The following AGAP1 variants were observed in gnomAD, a reference collection of about 807,000 sequenced individuals.
AGAP1 encodes the protein arf-GAP with GTPase, ANK repeat and PH domain-containing protein 1.
AGAP1 carries 29 observed loss-of-function variants against 105.3 expected under a neutral mutation model. The observed-to-expected ratio is 0.28, with a 90% CI of 0.21 to 0.38. The LOEUF is 0.38. Ranked by LOEUF, AGAP1 falls within the 10% of genes least tolerant of loss-of-function variation. The pLI, the probability that AGAP1 is intolerant of heterozygous loss-of-function variation, is 1.00. For synonymous variants in AGAP1, 509 were observed against 485.9 expected (o/e 1.05, Z -0.63); for missense variants, 998 against 1,165.1 (o/e 0.86, Z 2.09).
In AGAP1 at chr2:236,080,060, C is replaced by A. The variant is rs529830396; in HGVS notation, c.2114+30779C>A. On this transcript the variant is annotated intron_variant, in intron 16 of 17. Coordinates refer to ENST00000304032, the MANE Select transcript of AGAP1 (RefSeq NM_001037131.3). The surrounding 1 kb of genome is among the most constrained non-coding windows in gnomAD (Gnocchi z 4.2). ...GCCCATAGCTGTGATGTAGTCAGGGCCCCATGGCATCCGCACACATCAAGG... is the reference window on the plus strand; with the variant it reads ...GCCCATAGCTGTGATGTAGTCAGGGACCCATGGCATCCGCACACATCAAGG... 3.3e-5 allele frequency among the ~76,000 whole-genome samples: 5 copies of A among 152,300 alleles called. No individual in the cohort carries two copies. In the East Asian group the frequency reaches 9.6e-4, roughly 29 times the overall value.
At chr2:235,820,559 G>A (rs993965233) in intron 9 of AGAP1, among the ~76,000 whole-genome samples, 8 of 152,110 alleles carry the variant, frequency 5.3e-5, no homozygotes, top group South Asian at 2.1e-4. Context: ...TAGTAACACC[G>A]GACTGTTTTT....
At chr2:236,030,849 G>T (rs143689033) in intron 13 of AGAP1, among the ~76,000 whole-genome samples, 1 of 152,330 alleles carries the variant, frequency 6.6e-6, no homozygotes, top group Non-Finnish European at 1.5e-5. Context: ...TCACAGTCAG[G>T]CAAGGGCTGA....
chr2:235,710,775 T>C (rs569287660), intron 2 of AGAP1, among the ~76,000 whole-genome samples: 2 of 152,320 alleles, frequency 1.3e-5, no homozygotes, highest in East Asian at 1.9e-4. Flanking sequence ...AATCCCGCAG[T>C]TTCCGTTACT....
Position 235,689,339 on chromosome 2 carries a change from A to T in AGAP1, c.164-19840A>T, listed in dbSNP as rs1217446706. Among the ~76,000 whole-genome samples the T allele has an allele frequency of 6.6e-6, 1 of 152,174 alleles. No homozygotes were observed. The highest frequency in any genetic ancestry group is 1.5e-5 in the Non-Finnish European group (1 of 68,040). On this transcript the variant is annotated intron_variant, in intron 1 of 17. Coordinates refer to ENST00000304032, the MANE Select transcript of AGAP1 (RefSeq NM_001037131.3). This position sits in a 1 kb window ranked among gnomAD's most constrained non-coding sequence, Gnocchi z 4.2. ...TGCACAGCTCACCACGCGGGCCTGGAGTGAGCCTGCTGCTGTTCATCGGCC... is the reference window on the plus strand; with the variant it reads ...TGCACAGCTCACCACGCGGGCCTGGTGTGAGCCTGCTGCTGTTCATCGGCC...
chr2:236,072,780 A>G (rs1472814960), intron 16 of AGAP1, among the ~76,000 whole-genome samples: 2 of 151,728 alleles, frequency 1.3e-5, no homozygotes, highest in Non-Finnish European at 2.9e-5. Flanking sequence ...CTTTTCTTAC[A>G]TTTTCCCCTC....
At chr2:235,974,971 C>G (rs574932383) in intron 13 of AGAP1, among the ~76,000 whole-genome samples, 3 of 152,098 alleles carry the variant, frequency 2.0e-5, no homozygotes, top group Admixed American at 2.0e-4. Flanking sequence ...GCAGAATATT[C>G]GAGAAAGGCA....
At chr2:235,543,953 T>C (rs905959561) in intron 1 of AGAP1, among the ~76,000 whole-genome samples, 1 of 152,128 alleles carries the variant, frequency 6.6e-6, no homozygotes, top group African/African-American at 2.4e-5. Flanking sequence ...AAGAGTTCTC[T>C]CTCTGCCGCC....
chr2:236,031,228 G>A (rs1397376270), intron 13 of AGAP1, among the ~76,000 whole-genome samples: 1 of 152,196 alleles, frequency 6.6e-6, no homozygotes, highest in African/African-American at 2.4e-5. Context: ...AAGGAGGGAG[G>A]AGGAAGGAGG....
chr2:236,021,002 C>T (rs1465644727), intron 13 of AGAP1, among the ~76,000 whole-genome samples: 1 of 151,920 alleles, frequency 6.6e-6, no homozygotes, highest in African/African-American at 2.4e-5. Flanking sequence ...CCCATCTCTA[C>T]TAAAAATACA....
intron 16 of AGAP1, among the ~76,000 whole-genome samples, chr2:236,074,068 A>G (rs1269282065): frequency 6.6e-6 from 1 of 152,154 alleles, no homozygotes; most frequent in Non-Finnish European, 1.5e-5. Context: ...GGGGCTGGGG[A>G]GCCCCTGCTA....
intron 13 of AGAP1, among the ~76,000 whole-genome samples, chr2:235,999,766 ATGT>A (rs1389844915): frequency 4.1e-5 from 6 of 147,012 alleles, no homozygotes; most frequent in Non-Finnish European, 5.9e-5. Flanking sequence ...GCTGATTATG[ATGT>A]TGTTGGGAGC....
rs964631381 is a variant in AGAP1, at chr2:235,865,465, A to G, written c.1051-17880A>G. Among the ~76,000 whole-genome samples, 1 of 152,034 alleles carries G rather than the reference A, an allele frequency of 6.6e-6. No individual in the cohort carries two copies. The highest frequency in any genetic ancestry group is 2.4e-5 in the African/African-American group (1 of 41,444). On this transcript the variant is annotated intron_variant, in intron 9 of 17. Coordinates refer to ENST00000304032, the MANE Select transcript of AGAP1 (RefSeq NM_001037131.3). This position sits in a 1 kb window ranked among gnomAD's most constrained non-coding sequence, Gnocchi z 6.2. ...GATTGCTGGAGATGCTGACAGCTCA[A>G]TTAAAGTGTAACCCTTTGTGCCCTG...
chr2:236,098,942 C>G (rs2059265924), intron 16 of AGAP1, among the ~76,000 whole-genome samples: 1 of 151,762 alleles, frequency 6.6e-6, no homozygotes, highest in Admixed American at 6.6e-5. Flanking sequence ...CTAAAGGCCT[C>G]CAAACATCCT....
chr2:235,997,153 A>G (rs1291744008), intron 13 of AGAP1, among the ~76,000 whole-genome samples: 1 of 152,132 alleles, frequency 6.6e-6, no homozygotes, highest in Non-Finnish European at 1.5e-5. Flanking sequence ...GCCACGGCGC[A>G]ATCTCGGCTC....
At chr2:235,774,260 C>T (rs1395407873) in intron 6 of AGAP1, 1 of 429,122 alleles carries the variant, frequency 2.3e-6, no homozygotes, top group East Asian at 7.2e-5. Context: ...GCAGAAATTC[C>T]AGCCTCCCCT....
chr2:235,552,965 G>A lies in AGAP1; in HGVS notation c.163+58116G>A, dbSNP rs1943861268. The stretch of plus-strand genomic sequence containing the variant: ...CATCCACACATGTGCATCTGATTGT[G>A]TGTGTGACACAGTGAAGGGTATGGG... On this transcript the variant is annotated intron_variant, in intron 1 of 17. Transcript: ENST00000304032. This position sits in a 1 kb window ranked among gnomAD's most constrained non-coding sequence, Gnocchi z 5.9. Among the ~76,000 whole-genome samples the A allele has an allele frequency of 1.3e-5, 2 of 152,226 alleles. No homozygotes were observed. Among genetic ancestry groups the A allele is most frequent in the African/African-American group, 4.8e-5 (2 of 41,454 alleles).
At chr2:235,885,677 G>A (rs1291073027) in intron 10 of AGAP1, among the ~76,000 whole-genome samples, 2 of 152,182 alleles carry the variant, frequency 1.3e-5, no homozygotes, top group African/African-American at 4.8e-5. Flanking sequence ...TTGATGCTGA[G>A]TTCGCTTGCT....
At chr2:235,933,096 G>C (rs1368231304) in intron 12 of AGAP1, among the ~76,000 whole-genome samples, 1 of 152,212 alleles carries the variant, frequency 6.6e-6, no homozygotes, top group African/African-American at 2.4e-5. Flanking sequence ...CATGGAAGGA[G>C]AGCTGTAGGG....
chr2:235,913,981 T>TA (rs1397686381), intron 11 of AGAP1, among the ~76,000 whole-genome samples: 1 of 151,926 alleles, frequency 6.6e-6, no homozygotes, highest in Admixed American at 6.5e-5. Context: ...TTTTTTTTTT[T>TA]ATTTAGCTGC....
Sources: gnomAD v4.1 joint callset for allele counts (sites outside exome capture counted in the v4.1 genomes callset) on GRCh38, gnomAD v4.1.1 for gene constraint, Gnocchi (gnomAD v3.1) non-coding constraint, MANE v1.5 for transcripts, NCBI Gene and HGNC (gene_info 2026-07-23, HGNC 2026-07-21) for gene names.